JPH2: variants seen among roughly 807,000 people sequenced by gnomAD.
The protein encoded by JPH2 is junctophilin 2, also known as junctophilin-2.
JPH2 carries 38 observed loss-of-function variants against 55.9 expected under a neutral mutation model. That is an observed-to-expected ratio of 0.68 (90% confidence interval 0.52 to 0.89). The LOEUF is 0.89. Among genes scored for constraint, JPH2 ranks in the 40% least tolerant of loss-of-function variants. The pLI is 0.00. For missense variants in JPH2, 964 were observed against 1,037.6 expected, an observed-to-expected ratio of 0.93 and a Z score of 0.97; for synonymous variants, 480 against 472.4, an observed-to-expected ratio of 1.02 and a Z score of -0.21.
intron 2 of JPH2, among the ~76,000 whole-genome samples, chr20:44,138,534 G>A (rs1203741426): frequency 1.3e-5 from 2 of 151,642 alleles, no homozygotes; most frequent in Non-Finnish European, 2.9e-5. Context: ...GGTGAGCACT[G>A]CCACACCCAG....
In JPH2 at chr20:44,159,568, C is replaced by G. The variant is rs1415900586; in HGVS notation, c.1169+50G>C. ...CTCCTAGGTTGCCCTGCCCCAGGACCCCCTTCTCCGAGGGGAGGCGACCCC... is the reference window on the plus strand; with the variant it reads ...CTCCTAGGTTGCCCTGCCCCAGGACGCCCTTCTCCGAGGGGAGGCGACCCC... On this transcript the variant is annotated intron_variant, in intron 2 of 5. Transcript: ENST00000372980. This position sits in a 1 kb window ranked among gnomAD's most constrained non-coding sequence, Gnocchi z 5.7. 6.4e-7 allele frequency: 1 copy of G among 1,551,512 alleles called. No homozygotes were observed. The highest frequency in any genetic ancestry group is 8.7e-7 in the Non-Finnish European group (1 of 1,151,392).
At position 44,110,655 on chromosome 20, in the gene JPH2, T is replaced by G. The variant is rs1186245203; in HGVS notation, c.*2863A>C. Reference sequence around the variant, plus strand: ...CATGTTGGCCAGGCTGGTCTCAAACTCCTGACCTCAAGTGATCCACCTGCC... The same window carrying G: ...CATGTTGGCCAGGCTGGTCTCAAACGCCTGACCTCAAGTGATCCACCTGCC... On this transcript the variant is annotated 3_prime_UTR_variant, in exon 6 of 6. Coordinates refer to ENST00000372980, the MANE Select transcript of JPH2 (RefSeq NM_020433.5). Among the ~76,000 whole-genome samples the G allele has an allele frequency of 6.6e-6, 1 of 152,172 alleles. No homozygotes were observed. Among genetic ancestry groups the G allele is most frequent in the African/African-American group, 2.4e-5 (1 of 41,430 alleles).
intron 1 of JPH2, among the ~76,000 whole-genome samples, chr20:44,182,203 A>T (rs976861287): frequency 6.6e-6 from 1 of 152,158 alleles, no homozygotes; most frequent in Non-Finnish European, 1.5e-5. Flanking sequence ...ATTTGTCCAC[A>T]TCCCCCTCAG....
chr20:44,119,050 A>G (rs560355664), intron 2 of JPH2, among the ~76,000 whole-genome samples: 1 of 152,370 alleles, frequency 6.6e-6, no homozygotes, highest in South Asian at 2.1e-4. Context: ...GGTGAAGCCT[A>G]TGGATCCCTT....
At position 44,159,626 on chromosome 20, in the gene JPH2, G is replaced by A. The variant is rs368697672; in HGVS notation, c.1161C>T (p.Ala387=). 10 of 1,602,242 alleles carry A rather than the reference G, an allele frequency of 6.2e-6. No individual in the cohort carries two copies. The highest frequency in any genetic ancestry group is 1.3e-5 in the African/African-American group (1 of 74,894). Reference sequence around the variant, plus strand: ...CCCCACCGCTGTCCTACCTGGAGGCGGCAATCTCGGCCTTCTGGCGCGCGA... The same window carrying A: ...CCCCACCGCTGTCCTACCTGGAGGCAGCAATCTCGGCCTTCTGGCGCGCGA... ...AAIARQKAEI[A]ASRTSHAKAK... Residue 387 remains alanine, a synonymous_variant, in exon 2 of 6, where the codon GCC becomes GCT. Transcript: ENST00000372980. This position sits in a 1 kb window ranked among gnomAD's most constrained non-coding sequence, Gnocchi z 5.7.
At chr20:44,174,633 G>T (rs921335703) in intron 1 of JPH2, among the ~76,000 whole-genome samples, 1 of 152,116 alleles carries the variant, frequency 6.6e-6, no homozygotes, top group Non-Finnish European at 1.5e-5. Context: ...AATTAGCCAG[G>T]TGTGGTGGCG....
intron 2 of JPH2, among the ~76,000 whole-genome samples, chr20:44,134,058 AT>A (rs1382509818): frequency 1.3e-4 from 4 of 29,662 alleles, no homozygotes; most frequent in African/African-American, 6.9e-4. Context: ...ATATATATTT[AT>A]TATAAATATA....
intron 1 of JPH2, among the ~76,000 whole-genome samples, chr20:44,162,813 C>CAT (rs1555859097): frequency 0.012 from 1,309 of 113,070 alleles, 52 homozygotes; most frequent in Admixed American, 0.022. Context: ...CACACACACA[C>CAT]ACACACACAC....
Position 44,115,682 on chromosome 20 carries a change from C to T in JPH2, c.1993G>A (p.Glu665Lys), listed in dbSNP as rs2072183081. 6.2e-7 allele frequency: 1 copy of T among 1,612,900 alleles called. No individual in the cohort carries two copies. Among genetic ancestry groups the T allele is most frequent in the South Asian group, 1.1e-5 (1 of 91,032 alleles). Residue 665 changes from glutamate (E) to lysine (K), a missense_variant, in exon 4 of 6, where the codon GAG (glutamate) becomes AAG (lysine). By Grantham distance (56) the Glu-to-Lys change is moderately conservative. Coordinates refer to ENST00000372980, the MANE Select transcript of JPH2 (RefSeq NM_020433.5). ...RKEAALAAEA[E>K]VEVEEVPNTI... Reference sequence around the variant, plus strand: ...AGCCTCACCTCTTCCACCTCCACCTCCGCCTCTGCCGCCAGTGCGGCCTCC... The same window carrying T: ...AGCCTCACCTCTTCCACCTCCACCTTCGCCTCTGCCGCCAGTGCGGCCTCC...
chr20:44,177,047 G>A (rs2072739695), intron 1 of JPH2: 2 of 985,258 alleles, frequency 2.0e-6, no homozygotes, highest in Non-Finnish European at 2.4e-6. Context: ...GCACACCTGG[G>A]CTGCTCTGTG....
chr20:44,132,689 C>T (rs1216776903), intron 2 of JPH2, among the ~76,000 whole-genome samples: 1 of 118,716 alleles, frequency 8.4e-6, no homozygotes, highest in Non-Finnish European at 1.8e-5. Context: ...CCCACCCCCA[C>T]CGTCCCCCTC....
chr20:44,182,248 T>C (rs957422547), intron 1 of JPH2, among the ~76,000 whole-genome samples: 4 of 152,140 alleles, frequency 2.6e-5, no homozygotes, highest in African/African-American at 9.7e-5. Context: ...TGAGTGCAGA[T>C]CCTTAACAAA....
At chr20:44,129,546 CTG>C (rs1480229906) in intron 2 of JPH2, among the ~76,000 whole-genome samples, 1 of 121,598 alleles carries the variant, frequency 8.2e-6, no homozygotes, top group Non-Finnish European at 1.7e-5. Flanking sequence ...CAGAGCCAGG[CTG>C]TCTCAAAAAA....
chr20:44,131,354 C>T (rs1156264023), intron 2 of JPH2, among the ~76,000 whole-genome samples: 1 of 152,112 alleles, frequency 6.6e-6, no homozygotes, highest in Admixed American at 6.5e-5. Flanking sequence ...CAGATGAGAC[C>T]ACAGCCCTGG....
At chr20:44,173,845 G>A (rs899741477) in intron 1 of JPH2, among the ~76,000 whole-genome samples, 5 of 152,072 alleles carry the variant, frequency 3.3e-5, no homozygotes, top group East Asian at 1.9e-4. Context: ...CCCAGGAGAC[G>A]GAGGTTGCAG....
chr20:44,126,143 G>GGAGGGAGGGAGA (rs1220077506), intron 2 of JPH2, among the ~76,000 whole-genome samples: 1 of 26,206 alleles, frequency 3.8e-5, no homozygotes, highest in Non-Finnish European at 7.1e-5. Context: ...AAAGAGAGAG[G>GGAGGGAGGGAGA]GAGGGAGGGA....
At chr20:44,166,287 TAATA>T (rs1190861843) in intron 1 of JPH2, among the ~76,000 whole-genome samples, 3 of 152,214 alleles carry the variant, frequency 2.0e-5, no homozygotes, top group African/African-American at 7.2e-5. Flanking sequence ...ATGACACAGC[TAATA>T]AATATGCCAG....
intron 2 of JPH2, among the ~76,000 whole-genome samples, chr20:44,150,958 T>C (rs1030149179): frequency 1.3e-5 from 2 of 151,982 alleles, no homozygotes; most frequent in African/African-American, 4.8e-5. Flanking sequence ...TGAGCCTGGG[T>C]GGTGGAGGCT....
chr20:44,176,318 C>CTTT lies in JPH2; in HGVS notation c.379+10006_379+10008dup, dbSNP rs58088590. ...ATCAAATGGGTCAGATCCTATCTGT[C>CTTT]TTTTTTTTTTTTTTTTTTTTTTAGA... On this transcript the variant is annotated intron_variant, in intron 1 of 5. Coordinates refer to ENST00000372980, the MANE Select transcript of JPH2 (RefSeq NM_020433.5). 3.1e-4 allele frequency among the ~76,000 whole-genome samples: 35 copies of CTTT among 113,624 alleles called. 1 individual carries two copies. Among genetic ancestry groups the CTTT allele is most frequent in the East Asian group, 5.9e-4 (2 of 3,394 alleles). The allele number at this position is 113,624 out of a possible 152,430, so 74.5% of individuals were successfully genotyped here.
Sources: allele counts gnomAD v4.1 joint callset (sites outside exome capture counted in the v4.1 genomes callset), GRCh38; gene constraint gnomAD v4.1.1; non-coding constraint Gnocchi (gnomAD v3.1); transcripts MANE v1.5; gene names NCBI Gene and HGNC (gene_info 2026-07-23, HGNC 2026-07-21).